The following CFAP65 variants were observed in gnomAD, a reference collection of about 807,000 sequenced individuals.
CFAP65 encodes cilia- and flagella-associated protein 65.
A neutral mutation model predicts 208.0 loss-of-function variants in CFAP65; 155 were observed. The observed-to-expected ratio is 0.75, with a 90% confidence interval of 0.65 to 0.85. The LOEUF is 0.85. Ranked by LOEUF, CFAP65 falls within the 40% of genes least tolerant of loss-of-function variation. The probability of loss-of-function intolerance (pLI) is 0.00; values close to 1 mark genes in which losing one functional copy is unlikely to be tolerated. For missense variants in CFAP65, 2,294 were observed against 2,451.3 expected (o/e 0.94, Z 1.36); for synonymous variants, 970 against 986.3 (o/e 0.98, Z 0.31).
intron 5 of CFAP65, chr2:219,033,551 A>AT (rs1948180069): frequency 1.3e-5 from 2 of 152,202 alleles, no homozygotes. Flanking sequence ...AAGAAAAAAA[A>AT]GAAAGAAGAA....
chr2:219,013,625 C>T (rs1311259318), intron 22 of CFAP65, 40 bp from the exon 23 acceptor site: 3 of 1,547,870 alleles, frequency 1.9e-6, no homozygotes, highest in African/African-American at 2.7e-5. Context: ...AGTTCTGGAG[C>T]CCTGGTACAA....
rs1948046045 is a variant in CFAP65 at position 219,031,669 on chromosome 2, A to C, written c.646-11T>G. ...GTCCATGTACTCCTTCTGCAGTGTG[A>C]GGCGGGGCAGGGGCAGTCACCCATC... On this transcript the variant is annotated splice_polypyrimidine_tract_variant and intron_variant, in intron 6 of 34. Transcript: ENST00000341552. This position sits in a 1 kb window ranked among gnomAD's most constrained non-coding sequence, Gnocchi z 5.2. 2 of 1,590,658 alleles carry C rather than the reference A, an allele frequency of 1.3e-6. No individual in the cohort carries two copies. Among genetic ancestry groups the C allele is most frequent in the African/African-American group, 2.7e-5 (2 of 74,648 alleles).
chr2:219,013,832 A>T (rs773336193), intron 22 of CFAP65, 36 bp downstream of exon 22: 1 of 1,541,028 alleles, frequency 6.5e-7, no homozygotes, highest in South Asian at 1.2e-5. Context: ...GGCCTCTATG[A>T]CTGGAAGTGC....
At chr2:219,018,264 C>A in intron 21 of CFAP65, 1 of 152,324 alleles carries the variant, frequency 6.6e-6, no homozygotes, top group Non-Finnish European at 1.5e-5. Flanking sequence ...AGTTGGAAGT[C>A]ATCAAAAGGA....
chr2:219,031,530 C>T lies in CFAP65; in HGVS notation c.774G>A (p.Val258=). The change falls in exon 7 of 35, where the codon GTG becomes GTA. Residue 258 remains valine (V), a synonymous_variant. Transcript: ENST00000341552. This position sits in a 1 kb window ranked among gnomAD's most constrained non-coding sequence, Gnocchi z 5.2. ...AGAAAAAGGCCTCAGTCGTATCTCCCACAGCACACATGGGCAGCTGCAGGG... is the reference window on the plus strand; with the variant it reads ...AGAAAAAGGCCTCAGTCGTATCTCCTACAGCACACATGGGCAGCTGCAGGG... ...PPSLQLPMCA[V]GDTTEAFFCL... 1 of 1,614,252 alleles carries T rather than the reference C, an allele frequency of 6.2e-7. No individual in the cohort carries two copies. The highest frequency in any genetic ancestry group is 8.5e-7 in the Non-Finnish European group (1 of 1,180,046).
rs1267470439 is a variant in CFAP65, at chr2:219,004,975, TTC to T, written c.5051+457_5051+458del. Among the ~76,000 whole-genome samples the T allele has an allele frequency of 2.0e-5, 3 of 149,628 alleles. No homozygotes were observed. Among genetic ancestry groups the T allele is most frequent in the Non-Finnish European group, 1.5e-5 (1 of 67,894 alleles). Reference sequence around the variant, plus strand: ...TCTTTCTTTCTCTCTCTTTCTTTCTTTCTCTCTTTCTGTCTTTGTCTCTTTCT... The same window carrying T: ...TCTTTCTTTCTCTCTCTTTCTTTCTTTCTCTTTCTGTCTTTGTCTCTTTCT... On this transcript the variant is annotated intron_variant, in intron 32 of 34. Transcript: ENST00000341552. This position sits in a 1 kb window ranked among gnomAD's most constrained non-coding sequence, Gnocchi z 4.7.
chr2:219,010,492 G>T (rs571684712), intron 26 of CFAP65, 54 bp downstream of exon 26: 1 of 1,565,248 alleles, frequency 6.4e-7, no homozygotes, highest in African/African-American at 1.4e-5. Context: ...GGCCACCCTG[G>T]GCTCTGAGGC....
At chr2:219,011,979 A>G (rs919886499) in intron 24 of CFAP65, among the ~76,000 whole-genome samples, 1 of 152,260 alleles carries the variant, frequency 6.6e-6, no homozygotes, top group South Asian at 2.1e-4. Context: ...AAGTGGGATT[A>G]GTGCCCTTAT....
chr2:219,009,838 T>TGTGGGGTGGGATGGGATGGA lies in CFAP65; in HGVS notation c.4452+84_4452+103dup, dbSNP rs1294230672. 14 of 496,196 alleles carry TGTGGGGTGGGATGGGATGGA rather than the reference T, an allele frequency of 2.8e-5. No homozygotes were observed. In the African/African-American group the frequency reaches 7.7e-4, roughly 27 times the overall value. 30.7% of individuals were successfully genotyped at this position (496,196 alleles called of 1,614,324 possible). A position where few individuals can be genotyped will look rare whatever the true frequency, so the allele number is the denominator to read the frequency against. On this transcript the variant is annotated intron_variant, in intron 27 of 34. Coordinates refer to ENST00000341552, the MANE Select transcript of CFAP65 (RefSeq NM_194302.4). ...GGGGGGGATGGGATGGGATGGGGTT[T>TGTGGGGTGGGATGGGATGGA]GTGGGGTGGGATGGGATGGAGTGGG...
chr2:219,023,660 C>T (rs1372847118), intron 15 of CFAP65, among the ~76,000 whole-genome samples: 2 of 152,228 alleles, frequency 1.3e-5, no homozygotes, highest in Non-Finnish European at 2.9e-5. Context: ...GATCTATAGA[C>T]CATTCCACGG....
Position 219,003,983 on chromosome 2 carries a change from G to T in CFAP65, c.5524C>A (p.Gln1842Lys), listed in dbSNP as rs1945759171. Residue 1842 changes from glutamine to lysine, a missense_variant, in exon 33 of 35, where the codon CAA becomes AAA. By Grantham distance (53) the Gln-to-Lys change is moderately conservative. This residue lies in a region of CFAP65 where 1,427 missense variants were observed against 1,438.7 expected (regional missense o/e 0.99). Transcript: ENST00000341552. This position sits in a 1 kb window ranked among gnomAD's most constrained non-coding sequence, Gnocchi z 4.4. ...ATGGCCTCCTTCTCGTCCTGTTCTT[G>T]CTCCTCCTTCACCATGACATTCAGC... ...QQLNVMVKEE[Q>K]EQDEKEAIRR... 1 of 1,613,790 alleles carries T rather than the reference G, an allele frequency of 6.2e-7. No individual in the cohort carries two copies.
chr2:219,021,760 C>A lies in CFAP65; in HGVS notation c.3130+20G>T, dbSNP rs1328286827. ...TCCTCCCACCTCCCCTGGCCCCAGT[C>A]CCAGCTCAGGCCCAAGTACCGAGGG... On this transcript the variant is annotated intron_variant, in intron 18 of 34. Transcript: ENST00000341552. 1 of 1,612,286 alleles carries A rather than the reference C, an allele frequency of 6.2e-7. No homozygotes were observed. The highest frequency in any genetic ancestry group is 1.3e-5 in the African/African-American group (1 of 74,916).
chr2:219,006,300 T>A, intron 30 of CFAP65, 77 bp from the exon 31 acceptor site: 3 of 1,508,066 alleles, frequency 2.0e-6, no homozygotes, highest in Non-Finnish European at 2.7e-6. Flanking sequence ...CTTGACCTAG[T>A]TCCCCCACAG....
rs766198106 is a variant in CFAP65, at chr2:219,032,433, G to A, written c.645+37C>T. ...TCTGTTCTGAGGTCACTGCTCCCAG[G>A]TACCTCCCTGCCCTCACTCGCTGTG... On this transcript the variant is annotated intron_variant, in intron 6 of 34. Transcript: ENST00000341552. This position sits in a 1 kb window ranked among gnomAD's most constrained non-coding sequence, Gnocchi z 5.5. 1.7e-5 allele frequency: 26 copies of A among 1,529,998 alleles called. No homozygotes were observed. In the East Asian group the frequency reaches 6.1e-4, roughly 36 times the overall value. The allele number at this position is 1,529,998 out of a possible 1,614,324, so 94.8% of individuals were successfully genotyped here. A position where few individuals can be genotyped will look rare whatever the true frequency, so the allele number is the denominator to read the frequency against.
intron 31 of CFAP65, 132 bp from the exon 32 acceptor site, chr2:219,005,694 T>C: frequency 1.9e-6 from 2 of 1,047,366 alleles, no homozygotes; most frequent in East Asian, 5.1e-5. Flanking sequence ...TTAACCCAAA[T>C]GTAGTGCTAC....
Position 219,019,661 on chromosome 2 carries a change from G to C in CFAP65, c.3318C>G (p.Pro1106=), listed in dbSNP as rs1947146158. Residue 1106 remains proline, a synonymous_variant, in exon 20 of 35, where the codon CCC becomes CCG. Transcript: ENST00000341552. ...LCCVSLVAVY[P]LLSILDVSSM... The stretch of plus-strand genomic sequence containing the variant: ...AGCTGACATCCAGGATGGAAAGCAA[G>C]GGGTACACGGCCACCAGGGAGACGC... The C allele has an allele frequency of 1.2e-6, 2 of 1,613,734 alleles. No homozygotes were observed. The highest frequency in any genetic ancestry group is 4.5e-5 in the East Asian group (2 of 44,880).
intron 2 of CFAP65, among the ~76,000 whole-genome samples, chr2:219,039,532 T>C (rs1179732415): frequency 6.6e-6 from 1 of 152,190 alleles, no homozygotes; most frequent in African/African-American, 2.4e-5. Flanking sequence ...CCATCATGCA[T>C]GAAATCATAG....
In CFAP65 at chr2:219,005,452, A is replaced by G; in HGVS notation, c.5033T>C (p.Ile1678Thr). The change falls in exon 32 of 35, where the codon ATT becomes ACT. Residue 1678 changes from isoleucine to threonine, a missense_variant. Physicochemically the swap from Ile to Thr is moderately conservative, Grantham distance 89 (BLOSUM62 -1). Around this residue, in one of 2 missense-constraint regions of CFAP65, gnomAD observed 1,427 missense variants for 1,438.7 expected, o/e 0.99. Transcript: ENST00000341552. The part of the protein sequence containing the change: ...SKQKKQLLVD[I>T]LTTIIRGLLE... The stretch of plus-strand genomic sequence containing the variant: ...CTGGTACCTGATTATTGTGGTGAGA[A>G]TGTCAACCAGGAGCTGCTTCTTCTG... The G allele has an allele frequency of 1.2e-6, 2 of 1,613,748 alleles. No homozygotes were observed. The highest frequency in any genetic ancestry group is 1.7e-6 in the Non-Finnish European group (2 of 1,179,958).
chr2:219,040,675 C>A, intron 1 of CFAP65, 111 bp from the exon 2 acceptor site: 1 of 1,490,024 alleles, frequency 6.7e-7, no homozygotes, highest in Non-Finnish European at 9.1e-7. Context: ...ACAGCTCCTG[C>A]CTCAGAGCTC....
Sources: gnomAD v4.1 joint callset for allele counts (sites outside exome capture counted in the v4.1 genomes callset) on GRCh38, gnomAD v4.1.1 for gene constraint, gnomAD v4.1.1 regional missense constraint, Gnocchi (gnomAD v3.1) non-coding constraint, MANE v1.5 for transcripts, NCBI Gene and HGNC (gene_info 2026-07-23, HGNC 2026-07-21) for gene names.